Variants in NLGN1 observed in about 807,000 individuals in gnomAD.
NLGN1 encodes neuroligin-1.
Under a neutral mutation model 65.5 loss-of-function variants are expected in NLGN1, and 12 were observed. The ratio of observed to expected loss-of-function variants is 0.18; its 90% CI spans 0.12 to 0.30. NLGN1 has a LOEUF of 0.30. NLGN1 is among the 10% of genes least tolerant of loss of function. NLGN1 has a pLI of 1.00. For missense variants in NLGN1, 750 were observed against 1,007.1 expected (o/e 0.74, Z 3.46); for synonymous variants, 350 against 359.5 (o/e 0.97, Z 0.30).
intron 4 of NLGN1, among the ~76,000 whole-genome samples, chr3:173,886,880 C>T (rs1734437379): frequency 6.6e-6 from 1 of 151,950 alleles, no homozygotes; most frequent in African/African-American, 2.4e-5. Context: ...ATTTCCCTTG[C>T]ACTATAAAAT....
In NLGN1 at chr3:173,405,817, C is replaced by T. The variant is rs140421416; in HGVS notation, c.-390+7330C>T. Among the ~76,000 whole-genome samples, 159 of 152,174 alleles carry T rather than the reference C, an allele frequency of 1.0e-3. 1 individual carries two copies. Among genetic ancestry groups the T allele is most frequent in the African/African-American group, 3.8e-3 (156 of 41,534 alleles). On this transcript the variant is annotated intron_variant, in intron 1 of 6. Transcript: ENST00000457714. ...TGTGTCATTTCTAGTGATCCCTTCA[C>T]TCTAGGCTTTGGTTTTCGTTTTTCA...
At chr3:174,249,436 G>T (rs1744383624) in intron 4 of NLGN1, among the ~76,000 whole-genome samples, 1 of 152,164 alleles carries the variant, frequency 6.6e-6, no homozygotes, top group African/African-American at 2.4e-5. Context: ...CTAAACAGGA[G>T]ATGCAAAGAA....
At chr3:174,066,548 CTCTCTCTCTCTCTCTCTGTGTG>C (rs1738612919) in intron 4 of NLGN1, among the ~76,000 whole-genome samples, 1 of 113,426 alleles carries the variant, frequency 8.8e-6, no homozygotes, top group Admixed American at 8.1e-5. Flanking sequence ...CTCTCTCTCT[CTCTCTCTCTCTCTCTCTGTGTG>C]TGTGTGTGTG....
Position 174,223,510 on chromosome 3 carries a change from C to A in NLGN1, c.647-51805C>A, listed in dbSNP as rs528701091. ...GGTATTCTCTAGCATTTATTTCCTTCTCACTTTTCCTTTACCTAATCTCAC... is the reference window on the plus strand; with the variant it reads ...GGTATTCTCTAGCATTTATTTCCTTATCACTTTTCCTTTACCTAATCTCAC... On this transcript the variant is annotated intron_variant, in intron 4 of 6. Coordinates refer to ENST00000457714, the Ensembl canonical transcript of NLGN1. Among the ~76,000 whole-genome samples the A allele has an allele frequency of 4.6e-5, 7 of 152,150 alleles. No homozygotes were observed. The East Asian group carries it at 1.2e-3, about 25-fold the overall frequency.
At chr3:173,909,795 C>T (rs1158194251) in intron 4 of NLGN1, among the ~76,000 whole-genome samples, 1 of 152,192 alleles carries the variant, frequency 6.6e-6, no homozygotes, top group Non-Finnish European at 1.5e-5. Context: ...TCTCCTGCCT[C>T]AGCCTCCTGA....
At chr3:174,151,648 C>T (rs1322772797) in intron 4 of NLGN1, among the ~76,000 whole-genome samples, 1 of 152,106 alleles carries the variant, frequency 6.6e-6, no homozygotes, top group Non-Finnish European at 1.5e-5. Flanking sequence ...ACTTGCACAG[C>T]TTGATACAGA....
chr3:173,406,205 C>A (rs995297306), intron 1 of NLGN1, among the ~76,000 whole-genome samples: 1 of 151,734 alleles, frequency 6.6e-6, no homozygotes, highest in Admixed American at 6.6e-5. Context: ...AGAAAGATTA[C>A]TAAATAAATC....
chr3:173,728,305 G>T (rs1307200678), intron 3 of NLGN1, among the ~76,000 whole-genome samples: 1 of 152,056 alleles, frequency 6.6e-6, no homozygotes, highest in East Asian at 1.9e-4. Flanking sequence ...ACTGGTAGAA[G>T]ATATCTTACA....
At chr3:173,683,643 T>C (rs577274823) in intron 3 of NLGN1, among the ~76,000 whole-genome samples, 39 of 152,104 alleles carry the variant, frequency 2.6e-4, no homozygotes, top group Non-Finnish European at 4.9e-4. Context: ...TGTGAGAAAA[T>C]TATTTATTCT....
chr3:173,503,656 C>T (rs1001170673), intron 2 of NLGN1, among the ~76,000 whole-genome samples: 17 of 152,026 alleles, frequency 1.1e-4, no homozygotes, highest in African/African-American at 1.4e-4. Flanking sequence ...CTGCAATTCT[C>T]CCTGGGAATG....
intron 5 of NLGN1, 31 bp from the exon 6 acceptor site, chr3:174,278,827 GATC>G: frequency 6.9e-7 from 1 of 1,451,506 alleles, no homozygotes; most frequent in South Asian, 1.6e-5. Context: ...ATTACCCAAA[GATC>G]ATCTAAAATT....
At chr3:173,454,255 G>T (rs1253417361) in intron 2 of NLGN1, among the ~76,000 whole-genome samples, 1 of 152,220 alleles carries the variant, frequency 6.6e-6, no homozygotes, top group Non-Finnish European at 1.5e-5. Context: ...TGGGCAAGTA[G>T]ATTTAGCATA....
At chr3:173,978,474 T>C (rs1000698672) in intron 4 of NLGN1, among the ~76,000 whole-genome samples, 2 of 152,174 alleles carry the variant, frequency 1.3e-5, no homozygotes, top group Admixed American at 6.6e-5. Flanking sequence ...AAGTCATGAA[T>C]GTTCATGGAA....
At chr3:174,099,345 T>A (rs898309783) in intron 4 of NLGN1, among the ~76,000 whole-genome samples, 10 of 152,212 alleles carry the variant, frequency 6.6e-5, no homozygotes, top group Non-Finnish European at 1.0e-4. Flanking sequence ...TATTTGCTGC[T>A]GTAGATAACA....
chr3:174,083,981 A>C (rs1742777643), intron 4 of NLGN1, among the ~76,000 whole-genome samples: 1 of 152,220 alleles, frequency 6.6e-6, no homozygotes, highest in African/African-American at 2.4e-5. Context: ...CTAGATGGAA[A>C]ATATCATTTT....
chr3:173,765,252 A>G (rs1428512497), intron 3 of NLGN1, among the ~76,000 whole-genome samples: 1 of 152,184 alleles, frequency 6.6e-6, no homozygotes, highest in African/African-American at 2.4e-5. Context: ...CTGAAGAAAA[A>G]TATATAGAAC....
intron 3 of NLGN1, among the ~76,000 whole-genome samples, chr3:173,733,395 C>T (rs1020609577): frequency 2.0e-5 from 3 of 152,100 alleles, no homozygotes; most frequent in African/African-American, 7.2e-5. Context: ...AAGCTTAATG[C>T]CTTTTCATTC....
chr3:173,471,266 A>G (rs1725270649), intron 2 of NLGN1, among the ~76,000 whole-genome samples: 1 of 152,094 alleles, frequency 6.6e-6, no homozygotes, highest in Admixed American at 6.6e-5. Flanking sequence ...ATTTAGCAAC[A>G]AAATTTTTTT....
chr3:173,619,423 T>C (rs1304817936), intron 3 of NLGN1, among the ~76,000 whole-genome samples: 1 of 152,188 alleles, frequency 6.6e-6, no homozygotes, highest in Non-Finnish European at 1.5e-5. Flanking sequence ...CTAGGGGCTA[T>C]GCTGGACCCC....
Sources: allele counts gnomAD v4.1 joint callset (sites outside exome capture counted in the v4.1 genomes callset), GRCh38; gene constraint gnomAD v4.1.1; transcripts MANE v1.5; gene names NCBI Gene and HGNC (gene_info 2026-07-23, HGNC 2026-07-21).